CD44: variants seen among roughly 807,000 people sequenced by gnomAD.
CD44 encodes the protein CD44 molecule (IN blood group).
CD44 carries 49 observed loss-of-function variants against 88.8 expected under a neutral mutation model. That is an observed-to-expected ratio of 0.55 (90% CI 0.44 to 0.70). The LOEUF (loss-of-function observed/expected upper bound fraction) is 0.70, where lower values mean the gene tolerates loss of function less well. CD44 is among the 30% of genes least tolerant of loss of function. The probability of loss-of-function intolerance (pLI) is 0.00; values close to 1 mark genes in which losing one functional copy is unlikely to be tolerated. For synonymous variants in CD44, 325 were observed against 312.3 expected (o/e 1.04, Z -0.43); for missense variants, 883 against 913.8 (o/e 0.97, Z 0.43).
Position 35,214,867 on chromosome 11 carries a change from T to A in CD44, c.1826T>A (p.Phe609Tyr), listed in dbSNP as rs1168009502. The change falls in exon 15 of 18, where the codon TTC (phenylalanine) becomes TAC (tyrosine). Residue 609 changes from phenylalanine (F) to tyrosine (Y), a missense_variant. By Grantham distance (22) the Phe-to-Tyr change is conservative. Coordinates refer to ENST00000428726, the MANE Select transcript of CD44 (RefSeq NM_000610.4). ...CTCATTACAGGAGACCAAGACACATTCCACCCCAGTGGGGGGTCCCATACC... is the reference window on the plus strand; with the variant it reads ...CTCATTACAGGAGACCAAGACACATACCACCCCAGTGGGGGGTCCCATACC... ...NRSLSGDQDT[F>Y]HPSGGSHTTH... The A allele has an allele frequency of 1.3e-6, 2 of 1,555,840 alleles. No homozygotes were observed. The highest frequency in any genetic ancestry group is 2.4e-5 in the South Asian group (2 of 81,828).
intron 1 of CD44, among the ~76,000 whole-genome samples, chr11:35,149,506 T>A (rs190954418): frequency 6.6e-6 from 1 of 152,374 alleles, no homozygotes; most frequent in East Asian, 1.9e-4. Context: ...AATGTTTAGT[T>A]CACAGAAGGT....
intron 3 of CD44, among the ~76,000 whole-genome samples, chr11:35,186,601 G>A (rs1945706035): frequency 6.6e-6 from 1 of 152,172 alleles, no homozygotes; most frequent in Non-Finnish European, 1.5e-5. Context: ...ATTCACTGTG[G>A]TGGGAAAATT....
In CD44 at chr11:35,201,011, T is replaced by C. The variant is rs1947262492; in HGVS notation, c.923-71T>C. The C allele has an allele frequency of 9.5e-6, 10 of 1,048,596 alleles. No individual in the cohort carries two copies. The Admixed American group carries it at 1.7e-4, about 18-fold the overall frequency. The allele number at this position is 1,048,596 out of a possible 1,614,324, so 65.0% of individuals were successfully genotyped here. A position where few individuals can be genotyped will look rare whatever the true frequency, so the allele number is the denominator to read the frequency against. On this transcript the variant is annotated intron_variant, in intron 7 of 17. Coordinates refer to ENST00000428726, the MANE Select transcript of CD44 (RefSeq NM_000610.4). ...ATTGCATAGCCTACAGAAGCAAGAC[T>C]ATGTGCGGGACAAGTGGCGAAGGCT...
chr11:35,204,419 A>G (rs1404220666), intron 9 of CD44, 93 bp from the exon 10 acceptor site: 4 of 1,213,908 alleles, frequency 3.3e-6, no homozygotes, highest in South Asian at 2.7e-5. Flanking sequence ...TTCCCTCCCC[A>G]TGTGTATCTG....
In CD44 at chr11:35,190,082, A is replaced by T; in HGVS notation, c.667+17A>T. The T allele has an allele frequency of 6.3e-7, 1 of 1,599,476 alleles. No individual in the cohort carries two copies. The highest frequency in any genetic ancestry group is 1.7e-5 in the Admixed American group (1 of 60,000). ...CTGCTACCAGTAAGGAGAATAAATC[A>T]CTGTGCTTCCCAATAGCAATTCCCT... On this transcript the variant is annotated intron_variant, in intron 5 of 17. Coordinates refer to ENST00000428726, the MANE Select transcript of CD44 (RefSeq NM_000610.4).
At chr11:35,139,399 A>C in intron 1 of CD44, 29 bp downstream of exon 1, 1 of 1,551,118 alleles carries the variant, frequency 6.4e-7, no homozygotes, top group Non-Finnish European at 8.7e-7. Context: ...CTGGGCAGCA[A>C]GATGGGTGCG....
intron 16 of CD44, among the ~76,000 whole-genome samples, chr11:35,220,793 G>C (rs1390074884): frequency 9.4e-6 from 1 of 106,222 alleles, no homozygotes; most frequent in African/African-American, 3.8e-5. Context: ...TTGAGATGGA[G>C]TTTTGCTTTG....
At chr11:35,206,514 A>T (rs1468070181) in intron 11 of CD44, among the ~76,000 whole-genome samples, 2 of 152,166 alleles carry the variant, frequency 1.3e-5, no homozygotes, top group African/African-American at 4.8e-5. Context: ...TAAGTAATAG[A>T]TATGAAATGA....
intron 10 of CD44, 96 bp from the exon 11 acceptor site, chr11:35,206,016 T>G (rs1183362472): frequency 7.1e-7 from 1 of 1,417,092 alleles, no homozygotes; most frequent in East Asian, 2.7e-5. Context: ...CATTGTCTTG[T>G]CTAGAGAATA....
At chr11:35,181,885 TC>T (rs1232479652) in intron 3 of CD44, among the ~76,000 whole-genome samples, 9,441 of 69,834 alleles carry the variant, frequency 0.14, 626 homozygotes, top group African/African-American at 0.16. Context: ...TATATATAAT[TC>T]TATATATAAT....
In CD44 at chr11:35,209,948, A is replaced by T. The variant is rs754083609; in HGVS notation, c.1517-17A>T. ...GTAGCTTCAAATTAACACTGGATTC[A>T]TTCCTCATTGAAACAGAGCAGAGTA... On this transcript the variant is annotated splice_polypyrimidine_tract_variant and intron_variant, in intron 12 of 17. Transcript: ENST00000428726. 6.6e-7 allele frequency: 1 copy of T among 1,510,792 alleles called. No individual in the cohort carries two copies. Among genetic ancestry groups the T allele is most frequent in the Admixed American group, 1.9e-5 (1 of 51,512 alleles). The allele number at this position is 1,510,792 out of a possible 1,614,324, so 93.6% of individuals were successfully genotyped here.
chr11:35,165,554 C>T lies in CD44; in HGVS notation c.68-11021C>T, dbSNP rs547918186. Among the ~76,000 whole-genome samples, 4 of 152,302 alleles carry T rather than the reference C, an allele frequency of 2.6e-5. No individual in the cohort carries two copies. In the East Asian group the frequency reaches 7.7e-4, roughly 29 times the overall value. On this transcript the variant is annotated intron_variant, in intron 1 of 17. Coordinates refer to ENST00000428726, the MANE Select transcript of CD44 (RefSeq NM_000610.4). ...AAAGCCTGATGTACTTTAATCCATTCGGTTCTGCTGAGGGTGGAGCCCCAA... is the reference window on the plus strand; with the variant it reads ...AAAGCCTGATGTACTTTAATCCATTTGGTTCTGCTGAGGGTGGAGCCCCAA...
intron 3 of CD44, among the ~76,000 whole-genome samples, chr11:35,180,972 C>G (rs1210037586): frequency 6.6e-6 from 1 of 152,144 alleles, no homozygotes; most frequent in Non-Finnish European, 1.5e-5. Flanking sequence ...CTGGACTGTT[C>G]TGAGAATATC....
At chr11:35,201,919 C>T in intron 9 of CD44, 132 bp downstream of exon 9, 1 of 983,352 alleles carries the variant, frequency 1.0e-6, no homozygotes. Context: ...TTCTTAGAGC[C>T]TGAAAAGCTG....
intron 1 of CD44, chr11:35,139,734 C>T (rs888975295): frequency 3.9e-6 from 2 of 517,756 alleles, no homozygotes; most frequent in Non-Finnish European, 7.5e-6. Flanking sequence ...GCTCGCCAAG[C>T]CCCACCGGGC....
intron 1 of CD44, 72 bp downstream of exon 1, chr11:35,139,442 C>T: frequency 1.5e-6 from 2 of 1,365,858 alleles, no homozygotes; most frequent in South Asian, 2.5e-5. Flanking sequence ...GGCAGCCCCT[C>T]CGGCTGAGTC....
In CD44 at chr11:35,221,688, G is replaced by A. The variant is rs570322857; in HGVS notation, c.1980G>A (p.Leu660=). 2.7e-5 allele frequency: 44 copies of A among 1,614,120 alleles called. 1 individual carries two copies. The South Asian group carries it at 4.8e-4, about 18-fold the overall frequency. Reference sequence around the variant, plus strand: ...TCATCTTGGCATCCCTCTTGGCCTTGGCTTTGATTCTTGCAGTTTGCATTG... The same window carrying A: ...TCATCTTGGCATCCCTCTTGGCCTTAGCTTTGATTCTTGCAGTTTGCATTG... ...WLIILASLLA[L]ALILAVCIAV... Residue 660 remains leucine, a synonymous_variant, in exon 17 of 18, where the codon TTG becomes TTA. Transcript: ENST00000428726.
chr11:35,151,966 C>G (rs1169463711), intron 1 of CD44, among the ~76,000 whole-genome samples: 1 of 152,208 alleles, frequency 6.6e-6, no homozygotes, highest in Non-Finnish European at 1.5e-5. Flanking sequence ...TTCTTCCCAT[C>G]AGTTTCTTCA....
At position 35,163,416 on chromosome 11, in the gene CD44, G is replaced by A. The variant is rs544946800; in HGVS notation, c.68-13159G>A. Among the ~76,000 whole-genome samples, 7 of 152,272 alleles carry A rather than the reference G, an allele frequency of 4.6e-5. No homozygotes were observed. In the East Asian group the frequency reaches 1.2e-3, roughly 25 times the overall value. ...GAGTGTGACTGGCATTGTGCACCCTGTGAATCATAGTGGTGGTATGGGGAA... is the reference window on the plus strand; with the variant it reads ...GAGTGTGACTGGCATTGTGCACCCTATGAATCATAGTGGTGGTATGGGGAA... On this transcript the variant is annotated intron_variant, in intron 1 of 17. Coordinates refer to ENST00000428726, the MANE Select transcript of CD44 (RefSeq NM_000610.4).
Sources: allele counts gnomAD v4.1 joint callset (sites outside exome capture counted in the v4.1 genomes callset), GRCh38; gene constraint gnomAD v4.1.1; transcripts MANE v1.5; gene names NCBI Gene and HGNC (gene_info 2026-07-23, HGNC 2026-07-21).